Variants in NCOA6 observed in about 807,000 individuals in gnomAD.
NCOA6 encodes the protein NRC RAP250.
In NCOA6, 49 loss-of-function variants were observed where a neutral mutation model predicts 171.4. The observed-to-expected ratio is 0.29, with a 90% CI of 0.23 to 0.36. The LOEUF is 0.36. Among genes scored for constraint, NCOA6 ranks in the 10% least tolerant of loss-of-function variants. The pLI is 1.00. For synonymous variants in NCOA6, 910 were observed against 927.5 expected (o/e 0.98, Z 0.34); for missense variants, 2,248 against 2,554.5 (o/e 0.88, Z 2.59).
chr20:34,715,039 T>C lies in NCOA6; in HGVS notation c.*283A>G. 1 of 385,120 alleles carries C rather than the reference T, an allele frequency of 2.6e-6. No homozygotes were observed. Among genetic ancestry groups the C allele is most frequent in the East Asian group, 5.9e-5 (1 of 16,836 alleles). 23.9% of individuals were successfully genotyped at this position (385,120 alleles called of 1,614,324 possible). ...AAAATGCTCACCCTGTACTCTAGGC[T>C]GCTTAGGAAATGTGAAAACTAGTAA... On this transcript the variant is annotated 3_prime_UTR_variant, in exon 15 of 15. Coordinates refer to ENST00000359003, the MANE Select transcript of NCOA6 (RefSeq NM_014071.5).
At chr20:34,765,621 G>A (rs2076960995) in intron 5 of NCOA6, among the ~76,000 whole-genome samples, 1 of 151,752 alleles carries the variant, frequency 6.6e-6, no homozygotes, top group African/African-American at 2.4e-5. Flanking sequence ...GTCCCCTGGG[G>A]GACATTTGGT....
intron 1 of NCOA6, among the ~76,000 whole-genome samples, chr20:34,817,363 A>G (rs2078876116): frequency 3.3e-5 from 5 of 151,932 alleles, no homozygotes; most frequent in Admixed American, 3.3e-4. Flanking sequence ...TAACTGATAT[A>G]GTTAATTTAT....
intron 12 of NCOA6, among the ~76,000 whole-genome samples, chr20:34,735,846 T>G (rs1213389796): frequency 1.3e-5 from 2 of 152,132 alleles, no homozygotes; most frequent in African/African-American, 4.8e-5. Context: ...ATTCACAAAA[T>G]TAAGCATGGC....
At chr20:34,786,255 T>C (rs997557898) in intron 2 of NCOA6, among the ~76,000 whole-genome samples, 1 of 152,168 alleles carries the variant, frequency 6.6e-6, no homozygotes, top group African/African-American at 2.4e-5. Flanking sequence ...CTGCTAGCGA[T>C]CTATTATAGC....
chr20:34,720,257 T>C (rs772186414), intron 14 of NCOA6, among the ~76,000 whole-genome samples: 3 of 152,244 alleles, frequency 2.0e-5, no homozygotes, highest in Non-Finnish European at 2.9e-5. Context: ...GAAGGAAAAC[T>C]ACTCATTTGC....
intron 1 of NCOA6, among the ~76,000 whole-genome samples, chr20:34,795,767 G>A (rs1193828528): frequency 6.6e-6 from 1 of 152,112 alleles, no homozygotes; most frequent in Non-Finnish European, 1.5e-5. Flanking sequence ...GAAGGTATTA[G>A]GGCATTATTT....
At chr20:34,804,863 C>T (rs960688517) in intron 1 of NCOA6, among the ~76,000 whole-genome samples, 5 of 152,090 alleles carry the variant, frequency 3.3e-5, no homozygotes, top group African/African-American at 1.2e-4. Context: ...TCTCTTCTAG[C>T]TATTTGAAAA....
intron 1 of NCOA6, chr20:34,819,566 A>C (rs868013757): frequency 2.6e-5 from 4 of 152,128 alleles, no homozygotes; most frequent in African/African-American, 9.7e-5. Context: ...GCAGCCCCTA[A>C]AACTAAGTAG....
chr20:34,825,116 C>T (rs2079112615), intron 1 of NCOA6, among the ~76,000 whole-genome samples: 1 of 152,100 alleles, frequency 6.6e-6, no homozygotes, highest in Non-Finnish European at 1.5e-5. Context: ...ACGACCGGCT[C>T]CCGCCTGTTC....
At chr20:34,721,265 A>AC (rs1989301712) in intron 14 of NCOA6, among the ~76,000 whole-genome samples, 1 of 142,438 alleles carries the variant, frequency 7.0e-6, no homozygotes, top group Non-Finnish European at 1.5e-5. Flanking sequence ...AAAAAAAAAA[A>AC]AACAACCCGC....
intron 1 of NCOA6, among the ~76,000 whole-genome samples, chr20:34,807,198 C>A (rs1302416150): frequency 6.6e-6 from 1 of 152,178 alleles, no homozygotes; most frequent in Non-Finnish European, 1.5e-5. Context: ...AACCTCCAGC[C>A]ATCAGCCAGT....
intron 14 of NCOA6, among the ~76,000 whole-genome samples, chr20:34,716,080 C>G (rs1336068771): frequency 6.6e-6 from 1 of 152,004 alleles, no homozygotes; most frequent in Non-Finnish European, 1.5e-5. Flanking sequence ...ACTAGCCGGG[C>G]GTGGTGGCGT....
Position 34,757,527 on chromosome 20 carries a change from C to A in NCOA6, c.1221G>T (p.Leu407Phe), listed in dbSNP as rs1417089777. 1 of 1,613,926 alleles carries A rather than the reference C, an allele frequency of 6.2e-7. No individual in the cohort carries two copies. Residue 407 changes from leucine (L) to phenylalanine (F), a missense_variant, in exon 7 of 15, where the codon TTG becomes TTT. Physicochemically the swap from Leu to Phe is conservative, Grantham distance 22. This residue lies in a region of NCOA6 where 987 missense variants were observed against 1,104.7 expected (regional missense o/e 0.89). Transcript: ENST00000359003. The stretch of plus-strand genomic sequence containing the variant: ...TTGGGACCCTAGAGGGCCCTCCCTG[C>A]AAACTCTTCATCTGAGGAGCTGTGA... ...GQFTAPQMKS[L>F]QGGPSRVPTP...
In NCOA6 at chr20:34,741,146, G is replaced by A; in HGVS notation, c.5110C>T (p.Gln1704Ter). The change falls in exon 11 of 15, where the codon CAG (glutamine) becomes TAG (stop). Residue 1704 changes from glutamine (Q) to a stop codon, truncating the protein, a stop_gained. Transcript: ENST00000359003. LOFTEE classifies it high-confidence loss of function. ...GGAGCAGAAGAAAATTTTATGTTCT[G>A]AGGTATGTGTAAAGGGCCAACAACT... ...VAVVGPLHIPQNIKFSSAPVP... is the reference protein window; with the variant it reads ...VAVVGPLHIP 6.2e-7 allele frequency: 1 copy of A among 1,614,250 alleles called. No individual in the cohort carries two copies. Among genetic ancestry groups the A allele is most frequent in the Non-Finnish European group, 8.5e-7 (1 of 1,180,042 alleles).
intron 3 of NCOA6, among the ~76,000 whole-genome samples, chr20:34,780,189 C>G (rs1281453615): frequency 6.6e-6 from 1 of 152,160 alleles, no homozygotes; most frequent in East Asian, 1.9e-4. Flanking sequence ...ATCAAATTTG[C>G]TTATGGTATT....
rs1344907787 is a variant in NCOA6, at chr20:34,750,410, C to T, written c.1785G>A (p.Gln595=). 1 of 1,613,966 alleles carries T rather than the reference C, an allele frequency of 6.2e-7. No homozygotes were observed. The highest frequency in any genetic ancestry group is 8.5e-7 in the Non-Finnish European group (1 of 1,180,026). ...CTTGAGGAACCCCAGAAGTACCAGC[C>T]TGCTGATTGTTCATGTTGCCATGAA... ...MGIHGNMNNQ[Q]AGTSGVPQVN... The change falls in exon 9 of 15, where the codon CAG becomes CAA. Residue 595 remains glutamine (Q), a synonymous_variant. Transcript: ENST00000359003.
At chr20:34,803,189 C>G (rs1486560937) in intron 1 of NCOA6, among the ~76,000 whole-genome samples, 1 of 152,080 alleles carries the variant, frequency 6.6e-6, no homozygotes, top group Non-Finnish European at 1.5e-5. Flanking sequence ...AAAAACAGGT[C>G]AGGCATGATG....
intron 5 of NCOA6, among the ~76,000 whole-genome samples, chr20:34,761,661 GT>G (rs553356704): frequency 6.6e-6 from 1 of 151,530 alleles, no homozygotes; most frequent in East Asian, 1.9e-4. Flanking sequence ...GTTTTGTTTT[GT>G]TTTTTTTCTC....
At chr20:34,781,516 T>C (rs1601002664) in intron 3 of NCOA6, among the ~76,000 whole-genome samples, 1 of 152,204 alleles carries the variant, frequency 6.6e-6, no homozygotes, top group Non-Finnish European at 1.5e-5. Flanking sequence ...GAACTCAATG[T>C]TATCAGATCT....
Sources: allele counts gnomAD v4.1 joint callset (sites outside exome capture counted in the v4.1 genomes callset), GRCh38; gene constraint gnomAD v4.1.1; regional missense constraint gnomAD v4.1.1; transcripts MANE v1.5; gene names NCBI Gene and HGNC (gene_info 2026-07-23, HGNC 2026-07-21).